The following SLC22A9 variants were observed in gnomAD, a reference collection of about 807,000 sequenced individuals.
The protein encoded by SLC22A9 is organic anion transporter 7.
SLC22A9 carries 64 observed loss-of-function variants against 50.1 expected under a neutral mutation model. The observed-to-expected ratio is 1.28, with a 90% CI of 1.04 to 1.57. SLC22A9 has a LOEUF of 1.57. Ranked by LOEUF, SLC22A9 falls within the 40% of genes most tolerant of loss-of-function variation. The pLI is 0.00. For synonymous variants in SLC22A9, 261 were observed against 242.5 expected, an observed-to-expected ratio of 1.08 and a Z score of -0.71; for missense variants, 757 against 676.1, an observed-to-expected ratio of 1.12 and a Z score of -1.33.
At chr11:63,409,694 A>G in intron 9 of SLC22A9, 108 bp from the exon 10 acceptor site, 5 of 1,159,452 alleles carry the variant, frequency 4.3e-6, no homozygotes, top group Non-Finnish European at 6.2e-6. Flanking sequence ...TTTTTACCAA[A>G]CTAATGGACA....
In SLC22A9 at chr11:63,370,460, T is replaced by A. The variant is rs2014334565; in HGVS notation, c.402+2T>A. 1 of 1,573,706 alleles carries A rather than the reference T, an allele frequency of 6.4e-7. No homozygotes were observed. On this transcript the variant is annotated splice_donor_variant, in intron 1 of 9. Transcript: ENST00000279178. LOFTEE classifies it high-confidence loss of function. The stretch of plus-strand genomic sequence containing the variant: ...TTCTCATCCACCATCGTGACTGAGG[T>A]AAGAGGCTCTGTTCTCGTCTCATGA...
At chr11:63,371,385 T>A (rs1439189903) in intron 2 of SLC22A9, 147 bp downstream of exon 2, 1 of 599,300 alleles carries the variant, frequency 1.7e-6, no homozygotes, top group Non-Finnish European at 2.8e-6. Flanking sequence ...TAGTCCGTGT[T>A]TTGAGTGCTA....
At chr11:63,385,119 T>G (rs1565184504) in intron 6 of SLC22A9, among the ~76,000 whole-genome samples, 5 of 145,736 alleles carry the variant, frequency 3.4e-5, no homozygotes, top group African/African-American at 1.2e-4. Context: ...TTTTTTTTTT[T>G]TTTTTTTTGC....
Position 63,406,633 on chromosome 11 carries a change from A to G in SLC22A9, c.1210A>G (p.Met404Val), listed in dbSNP as rs776750564. Residue 404 changes from methionine to valine, a missense_variant, in exon 7 of 10, where the codon ATG (methionine) becomes GTG (valine). Physicochemically the swap from Met to Val is conservative, Grantham distance 21. Transcript: ENST00000279178. ...NCVAPWALKY[M>V]NRRASQMLLM... is the part of the protein sequence containing the mutation. ...TGTTGCACCTTGGGCACTGAAATAC[A>G]TGAACCGTCGAGCAAGCCAGATGCT... 2 of 1,613,824 alleles carry G rather than the reference A, an allele frequency of 1.2e-6. No individual in the cohort carries two copies. Among genetic ancestry groups the G allele is most frequent in the Non-Finnish European group, 8.5e-7 (1 of 1,179,842 alleles).
In SLC22A9 at chr11:63,370,422, T is replaced by G; in HGVS notation, c.366T>G (p.Tyr122Ter). The change falls in exon 1 of 10, where the codon TAT (tyrosine) becomes TAG (stop). Residue 122 changes from tyrosine (Y) to a stop codon, truncating the protein, a stop_gained. Coordinates refer to ENST00000279178, the MANE Select transcript of SLC22A9 (RefSeq NM_080866.3). LOFTEE classifies it high-confidence loss of function. ...DMEPCVDGWV[Y>*]DRISFSSTIV... ...AGCCCTGTGTGGATGGCTGGGTGTA[T>G]GACAGAATCTCCTTCTCATCCACCA... 6.2e-7 allele frequency: 1 copy of G among 1,604,816 alleles called. No individual in the cohort carries two copies. The highest frequency in any genetic ancestry group is 8.5e-7 in the Non-Finnish European group (1 of 1,175,410).
intron 6 of SLC22A9, 21 bp from the exon 7 acceptor site, chr11:63,406,476 T>C: frequency 6.2e-7 from 1 of 1,601,222 alleles, no homozygotes; most frequent in Non-Finnish European, 8.6e-7. Context: ...AATATGTTTC[T>C]TTCCTTTTTA....
intron 6 of SLC22A9, among the ~76,000 whole-genome samples, chr11:63,403,833 C>A (rs12281227): frequency 0.34 from 50,890 of 151,422 alleles, 10,061 homozygotes; most frequent in East Asian, 0.68. Flanking sequence ...ATCAATCAAT[C>A]AATCAATAAA....
At chr11:63,382,332 G>C in intron 6 of SLC22A9, 55 bp downstream of exon 6, 1 of 1,305,036 alleles carries the variant, frequency 7.7e-7, no homozygotes. Flanking sequence ...CATGAATCTT[G>C]TCCTCATTTC....
chr11:63,405,410 G>T (rs1356931210), intron 6 of SLC22A9, among the ~76,000 whole-genome samples: 1 of 152,136 alleles, frequency 6.6e-6, no homozygotes, highest in Admixed American at 6.6e-5. Flanking sequence ...CAAAATGAAC[G>T]ATGAGACAAC....
At position 63,408,783 on chromosome 11, in the gene SLC22A9, A is replaced by G; in HGVS notation, c.1505A>G (p.Tyr502Cys). 9 of 1,613,952 alleles carry G rather than the reference A, an allele frequency of 5.6e-6. No homozygotes were observed. The highest frequency in any genetic ancestry group is 1.7e-5 in the Admixed American group (1 of 59,954). The change falls in exon 9 of 10, where the codon TAT becomes TGT. Residue 502 changes from tyrosine (Y) to cysteine (C), a missense_variant. Physicochemically the swap from Tyr to Cys is radical, Grantham distance 194. Transcript: ENST00000279178. ...VYSPPLPWII[Y>C]GVFPFISGFA... ...TCTCCACCCCTGCCCTGGATCATCT[A>G]TGGAGTCTTCCCCTTCATCTCTGGC...
Position 63,382,229 on chromosome 11 carries a change from TC to T in SLC22A9, c.1027del (p.His343ThrfsTer59). 1 of 1,610,060 alleles carries T rather than the reference TC, an allele frequency of 6.2e-7. No homozygotes were observed. Among genetic ancestry groups the T allele is most frequent in the Non-Finnish European group, 8.5e-7 (1 of 1,178,772 alleles). ...QKKKPSLCEM[L>X]HMPNICKRIS... Reference sequence around the variant, plus strand: ...AAAAAACCTTCTCTGTGTGAAATGCTCCACATGCCCAACATATGTAAAAGGA... The same window carrying T: ...AAAAAACCTTCTCTGTGTGAAATGCTCACATGCCCAACATATGTAAAAGGA... On this transcript the variant is annotated frameshift_variant, in exon 6 of 10. Coordinates refer to ENST00000279178, the MANE Select transcript of SLC22A9 (RefSeq NM_080866.3). LOFTEE classifies it high-confidence loss of function.
At chr11:63,404,640 A>AG (rs2015005779) in intron 6 of SLC22A9, among the ~76,000 whole-genome samples, 1 of 152,204 alleles carries the variant, frequency 6.6e-6, no homozygotes, top group Non-Finnish European at 1.5e-5. Context: ...AGCTGGATGT[A>AG]GGGGTTTACA....
intron 6 of SLC22A9, among the ~76,000 whole-genome samples, chr11:63,399,218 T>A (rs2014912427): frequency 6.6e-6 from 1 of 152,182 alleles, no homozygotes; most frequent in African/African-American, 2.4e-5. Flanking sequence ...TTGCATTGAA[T>A]GTACATGGAC....
intron 2 of SLC22A9, 149 bp downstream of exon 2, chr11:63,371,387 T>C (rs952643470): frequency 3.4e-6 from 2 of 596,498 alleles, no homozygotes; most frequent in Admixed American, 6.4e-5. Flanking sequence ...GTCCGTGTTT[T>C]GAGTGCTATT....
chr11:63,371,271 G>A (rs774350404), intron 2 of SLC22A9, 33 bp downstream of exon 2: 4 of 1,475,894 alleles, frequency 2.7e-6, no homozygotes, highest in Non-Finnish European at 3.8e-6. Flanking sequence ...TCTCTTTAAG[G>A]GCATTTTTTA....
intron 2 of SLC22A9, among the ~76,000 whole-genome samples, chr11:63,371,680 A>G (rs755298157): frequency 1.4e-4 from 21 of 152,220 alleles, no homozygotes; most frequent in Non-Finnish European, 2.2e-4. Flanking sequence ...GCATTCCTCT[A>G]AAACCTGTAG....
At chr11:63,373,819 C>T in intron 3 of SLC22A9, 21 bp downstream of exon 3, 1 of 1,603,848 alleles carries the variant, frequency 6.2e-7, no homozygotes, top group Non-Finnish European at 8.5e-7. Flanking sequence ...ACTTTGGATC[C>T]ACATTTTCCA....
At chr11:63,373,161 C>T (rs1189591420) in intron 2 of SLC22A9, among the ~76,000 whole-genome samples, 2 of 138,820 alleles carry the variant, frequency 1.4e-5, no homozygotes, top group Non-Finnish European at 1.5e-5. Flanking sequence ...TCCCCTGCAA[C>T]ACTTCAACAA....
chr11:63,379,913 G>T (rs2014530807), intron 5 of SLC22A9, among the ~76,000 whole-genome samples: 1 of 152,034 alleles, frequency 6.6e-6, no homozygotes, highest in Non-Finnish European at 1.5e-5. Context: ...TGTATTTTTA[G>T]TACAGATGGG....
Sources: allele counts gnomAD v4.1 joint callset (sites outside exome capture counted in the v4.1 genomes callset), GRCh38; gene constraint gnomAD v4.1.1; transcripts MANE v1.5; gene names NCBI Gene and HGNC (gene_info 2026-07-23, HGNC 2026-07-21).